CRTC3: variants seen among roughly 807,000 people sequenced by gnomAD.
CRTC3 encodes CREB-regulated transcription coactivator 3.
A neutral mutation model predicts 74.5 loss-of-function variants in CRTC3; 26 were observed. The ratio of observed to expected loss-of-function variants is 0.35; its 90% confidence interval spans 0.26 to 0.48. The LOEUF (loss-of-function observed/expected upper bound fraction) is 0.48. Among genes scored for constraint, CRTC3 ranks in the 20% least tolerant of loss-of-function variants. The pLI is 0.99. For missense variants in CRTC3, 760 were observed against 787.3 expected (o/e 0.97, Z 0.41); for synonymous variants, 377 against 325.8 (o/e 1.16, Z -1.69).
intron 6 of CRTC3, among the ~76,000 whole-genome samples, chr15:90,610,670 T>A (rs1596123144): frequency 6.6e-6 from 1 of 152,344 alleles, no homozygotes; most frequent in South Asian, 2.1e-4. Context: ...GTTGGCCATT[T>A]CCCTGGCAGC....
chr15:90,538,501 T>C (rs1966754328), intron 1 of CRTC3, among the ~76,000 whole-genome samples: 1 of 152,160 alleles, frequency 6.6e-6, no homozygotes, highest in Non-Finnish European at 1.5e-5. Flanking sequence ...CAAGTATAAG[T>C]CTTTATCTTT....
At chr15:90,597,612 A>C (rs1197171577) in intron 3 of CRTC3, among the ~76,000 whole-genome samples, 1 of 152,216 alleles carries the variant, frequency 6.6e-6, no homozygotes, top group Non-Finnish European at 1.5e-5. Flanking sequence ...TTGGAGCCTG[A>C]CCGTATATAT....
At chr15:90,606,986 C>T (rs962878904) in intron 5 of CRTC3, 1 of 159,334 alleles carries the variant, frequency 6.3e-6, no homozygotes, top group African/African-American at 2.4e-5. Flanking sequence ...CTAAGTGATC[C>T]TTTACTTAGA....
chr15:90,598,290 CAAAG>C, intron 3 of CRTC3: 1 of 616,710 alleles, frequency 1.6e-6, no homozygotes, highest in South Asian at 1.9e-5. Flanking sequence ...TCAAGCAGCA[CAAAG>C]AAAGGGCCAG....
At chr15:90,638,222 C>T in intron 11 of CRTC3, 1 of 485,592 alleles carries the variant, frequency 2.1e-6, no homozygotes, top group Non-Finnish European at 3.6e-6. Context: ...TTGTTTAGTT[C>T]TTTTAAGACA....
intron 5 of CRTC3, among the ~76,000 whole-genome samples, chr15:90,604,735 G>C (rs1344209606): frequency 6.6e-6 from 1 of 152,154 alleles, no homozygotes; most frequent in African/African-American, 2.4e-5. Context: ...ATGCTACCTA[G>C]ATCATGGGTT....
At position 90,640,209 on chromosome 15, in the gene CRTC3, G is replaced by T. The variant is rs914769776; in HGVS notation, c.1549-888G>T. 3.3e-5 allele frequency among the ~76,000 whole-genome samples: 5 copies of T among 152,222 alleles called. No individual in the cohort carries two copies. The South Asian group carries it at 8.3e-4, about 25-fold the overall frequency. On this transcript the variant is annotated intron_variant, in intron 13 of 14. Coordinates refer to ENST00000268184, the MANE Select transcript of CRTC3 (RefSeq NM_022769.5). The stretch of plus-strand genomic sequence containing the variant: ...GGGAATCACCGTCTCCCTGAAAAAT[G>T]ATAGACACTTCTTTTGAGACTTTTT...
intron 8 of CRTC3, among the ~76,000 whole-genome samples, 178 bp from the exon 9 acceptor site, chr15:90,619,563 G>A (rs1208155454): frequency 1.3e-5 from 2 of 152,220 alleles, no homozygotes; most frequent in African/African-American, 4.8e-5. Context: ...CTTAGGCCTG[G>A]AAGTTTGAGT....
At chr15:90,531,312 A>C (rs1254466591) in intron 1 of CRTC3, among the ~76,000 whole-genome samples, 1 of 152,138 alleles carries the variant, frequency 6.6e-6, no homozygotes, top group Non-Finnish European at 1.5e-5. Context: ...GAATTCCTAC[A>C]TGACAGCTAC....
chr15:90,537,603 C>T (rs537012028), intron 1 of CRTC3, among the ~76,000 whole-genome samples: 3 of 152,286 alleles, frequency 2.0e-5, no homozygotes, highest in Admixed American at 6.5e-5. Flanking sequence ...CCAGGATGGT[C>T]TCGATCTCCT....
At chr15:90,595,193 G>A (rs1967890137) in intron 3 of CRTC3, 2 of 152,238 alleles carry the variant, frequency 1.3e-5, no homozygotes, top group South Asian at 4.1e-4. Context: ...TACATGTCAG[G>A]ATGGAGTGGT....
intron 2 of CRTC3, among the ~76,000 whole-genome samples, chr15:90,581,857 A>T (rs541303577): frequency 6.6e-6 from 1 of 152,278 alleles, no homozygotes; most frequent in African/African-American, 2.4e-5. Context: ...GGGTGAAAGG[A>T]GGGAGTCGGC....
chr15:90,627,237 GT>G (rs1247027604), intron 10 of CRTC3, among the ~76,000 whole-genome samples: 1 of 152,104 alleles, frequency 6.6e-6, no homozygotes, highest in African/African-American at 2.4e-5. Context: ...CTTTATTTTT[GT>G]TTTTTGGGTC....
chr15:90,619,702 T>A, intron 8 of CRTC3, 39 bp from the exon 9 acceptor site: 1 of 1,600,588 alleles, frequency 6.2e-7, no homozygotes, highest in Non-Finnish European at 8.6e-7. Context: ...GAATTTGGCT[T>A]TACAGCGAGT....
chr15:90,564,717 A>G (rs1348088413), intron 2 of CRTC3, among the ~76,000 whole-genome samples: 4 of 152,194 alleles, frequency 2.6e-5, no homozygotes, highest in Non-Finnish European at 5.9e-5. Context: ...AATCAGGAAA[A>G]TAGGAAACCT....
intron 2 of CRTC3, among the ~76,000 whole-genome samples, chr15:90,552,162 A>G (rs1966860378): frequency 6.6e-6 from 1 of 152,214 alleles, no homozygotes; most frequent in Admixed American, 6.5e-5. Flanking sequence ...CACAGGACAC[A>G]TAGAAACGAA....
chr15:90,633,156 A>G (rs1969104142), intron 11 of CRTC3, among the ~76,000 whole-genome samples: 1 of 152,234 alleles, frequency 6.6e-6, no homozygotes, highest in Non-Finnish European at 1.5e-5. Flanking sequence ...CATATAGTAT[A>G]CTATGAAACA....
chr15:90,638,869 G>T, intron 13 of CRTC3, 54 bp downstream of exon 13: 2 of 1,432,072 alleles, frequency 1.4e-6, no homozygotes, highest in Non-Finnish European at 2.0e-6. Context: ...GTACCATTTA[G>T]GTTGTTCATT....
At chr15:90,564,132 A>C (rs1212476008) in intron 2 of CRTC3, among the ~76,000 whole-genome samples, 30 of 152,226 alleles carry the variant, frequency 2.0e-4, no homozygotes, top group Admixed American at 2.0e-3. Context: ...TCACACAGCC[A>C]AAAATGGTAA....
Sources: gnomAD v4.1 joint callset for allele counts (sites outside exome capture counted in the v4.1 genomes callset) on GRCh38, gnomAD v4.1.1 for gene constraint, MANE v1.5 for transcripts, NCBI Gene and HGNC (gene_info 2026-07-23, HGNC 2026-07-21) for gene names.